PDZD2: variants seen among roughly 807,000 people sequenced by gnomAD.
PDZD2 encodes the protein PDZ domain-containing protein 2.
Under a neutral mutation model 220.7 loss-of-function variants are expected in PDZD2, and 90 were observed. The observed-to-expected ratio is 0.41, with a 90% CI of 0.34 to 0.49. The LOEUF (loss-of-function observed/expected upper bound fraction) is 0.49. Ranked by LOEUF, PDZD2 falls within the 20% of genes least tolerant of loss-of-function variation. The pLI is 0.28. For synonymous variants in PDZD2, 1,375 were observed against 1,450.5 expected, an observed-to-expected ratio of 0.95 and a Z score of 1.18; for missense variants, 3,174 against 3,608.5, an observed-to-expected ratio of 0.88 and a Z score of 3.08.
At chr5:31,778,176 G>A (rs996534553) in intron 1 of PDZD2, among the ~76,000 whole-genome samples, 1 of 152,176 alleles carries the variant, frequency 6.6e-6, no homozygotes, top group East Asian at 1.9e-4. Flanking sequence ...TCTGTGTCTA[G>A]CTCAGGGATT....
intron 2 of PDZD2, among the ~76,000 whole-genome samples, chr5:31,883,876 C>T (rs1740173074): frequency 6.6e-6 from 1 of 152,142 alleles, no homozygotes; most frequent in Non-Finnish European, 1.5e-5. Flanking sequence ...GCTGAGATTA[C>T]AGGCGTGGGC....
intron 19 of PDZD2, chr5:32,077,970 A>AAG (rs1315428034): frequency 1.0e-5 from 2 of 196,580 alleles, no homozygotes; most frequent in East Asian, 2.7e-4. Context: ...AAAAAAGAAA[A>AAG]AAGAAAGAAA....
chr5:31,651,099 C>A (rs1480635533), intron 1 of PDZD2, among the ~76,000 whole-genome samples: 1 of 149,984 alleles, frequency 6.7e-6, no homozygotes, highest in Non-Finnish European at 1.5e-5. Flanking sequence ...AAAATAACTT[C>A]TATCTTGAGA....
intron 2 of PDZD2, among the ~76,000 whole-genome samples, chr5:31,936,549 T>C (rs1472342520): frequency 1.3e-5 from 2 of 151,526 alleles, no homozygotes; most frequent in Admixed American, 6.6e-5. Context: ...ATGACAGTTT[T>C]ATTCTGAGAG....
intron 1 of PDZD2, among the ~76,000 whole-genome samples, chr5:31,727,235 C>T (rs1249232346): frequency 1.3e-5 from 2 of 152,192 alleles, no homozygotes; most frequent in African/African-American, 2.4e-5. Flanking sequence ...GTGAGAAATT[C>T]CTTGCCAAGA....
At chr5:31,773,116 A>T (rs533902532) in intron 1 of PDZD2, among the ~76,000 whole-genome samples, 1 of 152,342 alleles carries the variant, frequency 6.6e-6, no homozygotes, top group African/African-American at 2.4e-5. Context: ...GACAGTCAAA[A>T]GTCGTTGGTA....
At chr5:31,680,605 G>A (rs374126443) in intron 1 of PDZD2, among the ~76,000 whole-genome samples, 53 of 152,292 alleles carry the variant, frequency 3.5e-4, no homozygotes, top group African/African-American at 1.3e-3. Flanking sequence ...ACCTGCATGT[G>A]GCTCCCGTTT....
chr5:31,755,758 A>G (rs1182175309), intron 1 of PDZD2, among the ~76,000 whole-genome samples: 8 of 152,154 alleles, frequency 5.3e-5, no homozygotes, highest in Non-Finnish European at 1.2e-4. Context: ...CTCTCTGTGA[A>G]ATGGAATAAA....
At chr5:31,713,331 G>C (rs1748240933) in intron 1 of PDZD2, among the ~76,000 whole-genome samples, 1 of 152,178 alleles carries the variant, frequency 6.6e-6, no homozygotes, top group South Asian at 2.1e-4. Context: ...CTAGCTTCTG[G>C]ATTTCTATAA....
In PDZD2 at chr5:32,090,359, C is replaced by T. The variant is rs771660997; in HGVS notation, c.6911C>T (p.Thr2304Met). 7.4e-6 allele frequency: 12 copies of T among 1,614,174 alleles called. No homozygotes were observed. The highest frequency in any genetic ancestry group is 1.1e-5 in the South Asian group (1 of 91,088). Reference protein sequence around the residue: ...DEGDIISVQETSCLVTDKIKV... With the variant: ...DEGDIISVQEMSCLVTDKIKV... ...GGGGATATCATTTCAGTCCAGGAGA[C>T]GAGCTGCCTAGTCACAGACAAAATC... Residue 2304 changes from threonine (T) to methionine (M), a missense_variant, in exon 20 of 25, where the codon ACG (threonine) becomes ATG (methionine). This residue lies in a region of PDZD2 where 631 missense variants were observed against 789.9 expected (regional missense o/e 0.80). Transcript: ENST00000438447. This position sits in a 1 kb window ranked among gnomAD's most constrained non-coding sequence, Gnocchi z 4.3.
intron 2 of PDZD2, among the ~76,000 whole-genome samples, chr5:31,942,925 G>A (rs965847135): frequency 7.7e-4 from 118 of 152,294 alleles, no homozygotes; most frequent in African/African-American, 2.8e-3. Context: ...AGACAAGGCC[G>A]GGCACGGTGA....
rs145876120 is a variant in PDZD2, at chr5:32,022,185, GT to G, written c.1407+11710del. 1.5e-5 allele frequency among the ~76,000 whole-genome samples: 2 copies of G among 135,592 alleles called. 1 individual carries two copies. Among genetic ancestry groups the G allele is most frequent in the Non-Finnish European group, 3.1e-5 (2 of 64,156 alleles). The allele number at this position is 135,592 out of a possible 152,430, so 89.0% of individuals were successfully genotyped here. A position where few individuals can be genotyped will look rare whatever the true frequency, so the allele number is the denominator to read the frequency against. On this transcript the variant is annotated intron_variant, in intron 6 of 24. Coordinates refer to ENST00000438447, the MANE Select transcript of PDZD2 (RefSeq NM_178140.4). ...TCTTCTTTTTTCGTTTTGTTTTTTT[GT>G]TTTTTTGTTTTTTGTTTTTTTTTGG...
intron 1 of PDZD2, among the ~76,000 whole-genome samples, chr5:31,740,245 G>A (rs919773760): frequency 7.9e-5 from 12 of 151,994 alleles, no homozygotes; most frequent in African/African-American, 2.9e-4. Context: ...TGTTGGCTGG[G>A]TGCGGTGGCT....
intron 2 of PDZD2, among the ~76,000 whole-genome samples, chr5:31,893,749 G>A (rs1353893953): frequency 6.6e-6 from 1 of 152,154 alleles, no homozygotes; most frequent in African/African-American, 2.4e-5. Flanking sequence ...TTTCTCAGCA[G>A]GGATTGTGTA....
At chr5:31,911,804 A>G (rs989924459) in intron 2 of PDZD2, among the ~76,000 whole-genome samples, 1 of 152,200 alleles carries the variant, frequency 6.6e-6, no homozygotes, top group African/African-American at 2.4e-5. Context: ...GATGAATGCC[A>G]GGACTGCGCT....
At chr5:31,668,684 T>A (rs1037897646) in intron 1 of PDZD2, among the ~76,000 whole-genome samples, 14 of 152,128 alleles carry the variant, frequency 9.2e-5, no homozygotes, top group African/African-American at 3.1e-4. Context: ...TTAATCTTAT[T>A]TGTGGGCAAA....
Position 32,037,292 on chromosome 5 carries a change from A to G in PDZD2, c.1469A>G (p.Glu490Gly), listed in dbSNP as rs771607967. The change falls in exon 7 of 25, where the codon GAA becomes GGA. Residue 490 changes from glutamate (E) to glycine (G), a missense_variant. By Grantham distance (98) the Glu-to-Gly change is moderately conservative (BLOSUM62 -2). Transcript: ENST00000438447. Reference protein sequence around the residue: ...CGAEESKGNLESPKQGSNKIK... With the variant: ...CGAEESKGNLGSPKQGSNKIK... ...GCTGAGGAATCCAAGGGGAACTTGG[A>G]AAGTCCCAAACAGGGCAGCAATAAA... 7.4e-6 allele frequency: 12 copies of G among 1,613,726 alleles called. No individual in the cohort carries two copies. The African/African-American group carries it at 1.2e-4, about 16-fold the overall frequency.
At chr5:31,709,256 G>A (rs1199236490) in intron 1 of PDZD2, among the ~76,000 whole-genome samples, 1 of 152,132 alleles carries the variant, frequency 6.6e-6, no homozygotes, top group Non-Finnish European at 1.5e-5. Flanking sequence ...GGAGGCTGAG[G>A]CAGGAGGATT....
chr5:31,810,596 G>A (rs1053401877), intron 2 of PDZD2, among the ~76,000 whole-genome samples: 2 of 152,144 alleles, frequency 1.3e-5, no homozygotes, highest in African/African-American at 2.4e-5. Flanking sequence ...TCAGGCTTTG[G>A]CACCTGTTTT....
Sources: gnomAD v4.1 joint callset for allele counts (sites outside exome capture counted in the v4.1 genomes callset) on GRCh38, gnomAD v4.1.1 for gene constraint, gnomAD v4.1.1 regional missense constraint, Gnocchi (gnomAD v3.1) non-coding constraint, MANE v1.5 for transcripts, NCBI Gene and HGNC (gene_info 2026-07-23, HGNC 2026-07-21) for gene names.